NEBL: variants seen among roughly 807,000 people sequenced by gnomAD.
NEBL encodes the protein nebulette.
A neutral mutation model predicts 140.2 loss-of-function variants in NEBL; 122 were observed. The observed-to-expected ratio is 0.87, with a 90% confidence interval of 0.75 to 1.01. NEBL has a LOEUF of 1.01. Among genes scored for constraint, NEBL ranks in the 50% least tolerant of loss-of-function variants. The probability of loss-of-function intolerance (pLI) is 0.00; values close to 1 mark genes in which losing one functional copy is unlikely to be tolerated. For missense variants in NEBL, 1,365 were observed against 1,231.3 expected (o/e 1.11, Z -1.62); for synonymous variants, 436 against 398.9 (o/e 1.09, Z -1.11).
At chr10:21,200,178 C>T (rs1841710446) in intron 3 of NEBL, among the ~76,000 whole-genome samples, 1 of 152,062 alleles carries the variant, frequency 6.6e-6, no homozygotes, top group African/African-American at 2.4e-5. Flanking sequence ...AGCATGCGGC[C>T]CCCACTCGCT....
intron 3 of NEBL, among the ~76,000 whole-genome samples, chr10:21,183,374 G>A (rs1484037159): frequency 6.6e-6 from 1 of 152,114 alleles, no homozygotes; most frequent in Non-Finnish European, 1.5e-5. Flanking sequence ...CGCAACCACA[G>A]GACAAGAGGG....
intron 3 of NEBL, among the ~76,000 whole-genome samples, chr10:21,221,910 C>T (rs995507567): frequency 3.3e-5 from 5 of 151,914 alleles, no homozygotes; most frequent in African/African-American, 1.2e-4. Context: ...ACACTGAGAC[C>T]TAGGTGCCCA....
At chr10:20,903,526 A>G (rs1847963812) in intron 4 of NEBL, among the ~76,000 whole-genome samples, 1 of 152,160 alleles carries the variant, frequency 6.6e-6, no homozygotes, top group South Asian at 2.1e-4. Context: ...TATCTACCCA[A>G]AAGAAAAGAA....
At chr10:20,886,302 C>A (rs534884014) in intron 4 of NEBL, among the ~76,000 whole-genome samples, 3 of 152,060 alleles carry the variant, frequency 2.0e-5, no homozygotes, top group African/African-American at 4.8e-5. Flanking sequence ...GTGGGCAGAT[C>A]GCCTGAGGTC....
chr10:20,839,753 G>A (rs1167600512), intron 13 of NEBL, among the ~76,000 whole-genome samples: 2 of 152,094 alleles, frequency 1.3e-5, no homozygotes, highest in Admixed American at 6.5e-5. Context: ...ATTATGCCAG[G>A]TGTAAGCACA....
upstream of NEBL, chr10:20,899,691 C>A: frequency 7.0e-6 from 2 of 286,880 alleles, no homozygotes; most frequent in East Asian, 9.6e-5. Context: ...AGGATCAGAA[C>A]CTAACTAGAG....
rs375179713 is a variant in NEBL at position 21,155,251 on chromosome 10, C to T, written c.164+17132G>A. On this transcript the variant is annotated intron_variant, in intron 2 of 6. Transcript: ENST00000417816. ...CATCATGGAAAATGGGGTATCCATCCCCTCAAGCATCTATCCTTTGAGTTA... is the reference window on the plus strand; with the variant it reads ...CATCATGGAAAATGGGGTATCCATCTCCTCAAGCATCTATCCTTTGAGTTA... 6.6e-5 allele frequency among the ~76,000 whole-genome samples: 10 copies of T among 152,142 alleles called. No homozygotes were observed. In the East Asian group the frequency reaches 1.5e-3, roughly 23 times the overall value.
intron 26 of NEBL, among the ~76,000 whole-genome samples, chr10:20,799,082 T>C (rs1262407283): frequency 2.0e-5 from 3 of 152,230 alleles, no homozygotes; most frequent in African/African-American, 7.2e-5. Flanking sequence ...TATAATCATA[T>C]GATAGCCTAC....
At chr10:20,990,534 C>T (rs1334736620) in intron 3 of NEBL, among the ~76,000 whole-genome samples, 3 of 152,154 alleles carry the variant, frequency 2.0e-5, no homozygotes, top group Non-Finnish European at 4.4e-5. Context: ...TCTGCTGGCC[C>T]CTTGATCTTG....
intron 2 of NEBL, among the ~76,000 whole-genome samples, chr10:21,117,555 C>G (rs1187205025): frequency 6.6e-6 from 1 of 152,170 alleles, no homozygotes; most frequent in Non-Finnish European, 1.5e-5. Flanking sequence ...AGGCAGCAAG[C>G]TGCAACAATC....
intron 2 of NEBL, among the ~76,000 whole-genome samples, chr10:21,079,571 C>T (rs1000695271): frequency 6.6e-6 from 1 of 152,160 alleles, no homozygotes; most frequent in African/African-American, 2.4e-5. Context: ...AAAAATAGGG[C>T]TCCCAGTATA....
chr10:20,887,564 G>C (rs1280567656), intron 4 of NEBL, among the ~76,000 whole-genome samples: 1 of 151,964 alleles, frequency 6.6e-6, no homozygotes, highest in Non-Finnish European at 1.5e-5. Flanking sequence ...CACCACAGGT[G>C]CATGCCAACA....
At chr10:20,807,821 A>G (rs186636116) in intron 26 of NEBL, among the ~76,000 whole-genome samples, 1 of 152,304 alleles carries the variant, frequency 6.6e-6, no homozygotes, top group East Asian at 1.9e-4. Context: ...TTAACCTTTA[A>G]AAACAGATTT....
intron 2 of NEBL, among the ~76,000 whole-genome samples, chr10:20,895,796 G>A (rs1156812612): frequency 6.6e-6 from 1 of 152,186 alleles, no homozygotes; most frequent in Non-Finnish European, 1.5e-5. Flanking sequence ...TATCTAAATT[G>A]TGATTGGATG....
chr10:20,919,342 C>G (rs1833466136), intron 4 of NEBL, among the ~76,000 whole-genome samples: 1 of 152,192 alleles, frequency 6.6e-6, no homozygotes. Flanking sequence ...CACTTCCCTT[C>G]TATGCACATT....
At chr10:21,056,411 C>CA (rs35624079) in intron 2 of NEBL, among the ~76,000 whole-genome samples, 1 of 151,760 alleles carries the variant, frequency 6.6e-6, no homozygotes, top group Non-Finnish European at 1.5e-5. Context: ...GCTGGACCTG[C>CA]AAAAAAAGAT....
chr10:20,961,073 T>A (rs1836028486), intron 4 of NEBL, among the ~76,000 whole-genome samples: 2 of 152,184 alleles, frequency 1.3e-5, no homozygotes, highest in South Asian at 4.1e-4. Flanking sequence ...TTACCAAAAC[T>A]TAGAAGAGCT....
At chr10:21,085,916 A>G (rs1358244925) in intron 2 of NEBL, among the ~76,000 whole-genome samples, 2 of 152,048 alleles carry the variant, frequency 1.3e-5, no homozygotes, top group Non-Finnish European at 2.9e-5. Context: ...ATGTTTAGAT[A>G]TACAGGAGGA....
chr10:20,822,948 T>C (rs1162312716), intron 19 of NEBL, among the ~76,000 whole-genome samples: 2 of 152,120 alleles, frequency 1.3e-5, no homozygotes, highest in Admixed American at 6.6e-5. Context: ...CCTCCTACCT[T>C]TTGGAGTCTC....
Sources: allele counts gnomAD v4.1 joint callset (sites outside exome capture counted in the v4.1 genomes callset), GRCh38; gene constraint gnomAD v4.1.1; transcripts MANE v1.5; gene names NCBI Gene and HGNC (gene_info 2026-07-23, HGNC 2026-07-21).